CD44: variants seen among roughly 807,000 people sequenced by gnomAD.
The protein encoded by CD44 is CD44 molecule (IN blood group), also known as CD44 antigen.
In CD44, 49 loss-of-function variants were observed where a neutral mutation model predicts 88.8. The ratio of observed to expected loss-of-function variants is 0.55; its 90% confidence interval spans 0.44 to 0.70. CD44 has a LOEUF of 0.70. Among genes scored for constraint, CD44 ranks in the 30% least tolerant of loss-of-function variants. CD44 has a pLI of 0.00. For synonymous variants in CD44, 325 were observed against 312.3 expected (o/e 1.04, Z -0.43); for missense variants, 883 against 913.8 (o/e 0.97, Z 0.43).
In CD44 at chr11:35,204,605, C is replaced by A. The variant is rs1390963442; in HGVS notation, c.1247C>A (p.Pro416His). ...TGGCATGAGGGATATCGCCAAACAC[C>A]CAAAGAAGACTCCCATTCGACAACA... ...NRWHEGYRQT[P>H]KEDSHSTTGT... The change falls in exon 10 of 18, where the codon CCC becomes CAC. Residue 416 changes from proline (P) to histidine (H), a missense_variant. By Grantham distance (77) the Pro-to-His change is moderately conservative. Transcript: ENST00000428726. 2 of 1,613,206 alleles carry A rather than the reference C, an allele frequency of 1.2e-6. No individual in the cohort carries two copies. The highest frequency in any genetic ancestry group is 1.7e-6 in the Non-Finnish European group (2 of 1,179,352).
At chr11:35,171,512 G>T (rs796801941) in intron 1 of CD44, among the ~76,000 whole-genome samples, 1 of 152,176 alleles carries the variant, frequency 6.6e-6, no homozygotes, top group Admixed American at 6.5e-5. Context: ...GAAGGCTAAA[G>T]GTTGAGTTTG....
rs779632144 is a variant in CD44 at position 35,139,279 on chromosome 11, G to A, written c.-25G>A. ...AGGGATCCTCCAGCTCCTTTCGCCC[G>A]CGCCCTCCGTTCGCTCCGGACACCA... On this transcript the variant is annotated 5_prime_UTR_variant, in exon 1 of 18. Transcript: ENST00000428726. The A allele has an allele frequency of 1.9e-6, 3 of 1,550,502 alleles. No individual in the cohort carries two copies. Among genetic ancestry groups the A allele is most frequent in the African/African-American group, 2.7e-5 (2 of 73,308 alleles).
At chr11:35,210,988 T>C (rs1176859097) in intron 13 of CD44, among the ~76,000 whole-genome samples, 1 of 152,184 alleles carries the variant, frequency 6.6e-6, no homozygotes, top group Non-Finnish European at 1.5e-5. Flanking sequence ...CCTTACCTAA[T>C]AACCCAAGCA....
intron 15 of CD44, among the ~76,000 whole-genome samples, chr11:35,216,754 C>T (rs1296543204): frequency 3.7e-4 from 57 of 152,128 alleles, no homozygotes; most frequent in Admixed American, 3.7e-3. Flanking sequence ...AACCAAGAGA[C>T]CCCAGCCACT....
chr11:35,181,902 A>ATATATTATATATTATATAT, intron 3 of CD44, among the ~76,000 whole-genome samples: 1 of 59,682 alleles, frequency 1.7e-5, no homozygotes, highest in Admixed American at 2.7e-4. Flanking sequence ...ATAATATAAT[A>ATATATTATATATTATATAT]TATAATATAT....
chr11:35,225,833 A>G (rs1158229431), intron 17 of CD44, among the ~76,000 whole-genome samples: 1 of 152,004 alleles, frequency 6.6e-6, no homozygotes, highest in Non-Finnish European at 1.5e-5. Context: ...AACAAAACAA[A>G]CAAACAAACA....
intron 1 of CD44, among the ~76,000 whole-genome samples, chr11:35,151,510 A>G (rs762514234): frequency 6.6e-6 from 1 of 152,212 alleles, no homozygotes; most frequent in African/African-American, 2.4e-5. Context: ...ATTTTAGCTC[A>G]AGGAACATTT....
At chr11:35,171,702 A>G (rs1365285936) in intron 1 of CD44, among the ~76,000 whole-genome samples, 1 of 152,248 alleles carries the variant, frequency 6.6e-6, no homozygotes, top group Non-Finnish European at 1.5e-5. Flanking sequence ...AGATACTGTT[A>G]TAAGCTATGA....
chr11:35,215,906 G>A (rs1948795826), intron 15 of CD44, among the ~76,000 whole-genome samples: 1 of 149,414 alleles, frequency 6.7e-6, no homozygotes, highest in Non-Finnish European at 1.5e-5. Flanking sequence ...AAAAAAACAG[G>A]TTAATATCAG....
At chr11:35,203,539 G>A (rs1245175226) in intron 9 of CD44, among the ~76,000 whole-genome samples, 2 of 151,944 alleles carry the variant, frequency 1.3e-5, no homozygotes, top group African/African-American at 4.8e-5. Context: ...CCCAATAATG[G>A]CTTGGCCGAT....
chr11:35,181,921 T>TATATTATAATATA (rs1554962209), intron 3 of CD44, among the ~76,000 whole-genome samples: 2 of 68,190 alleles, frequency 2.9e-5, no homozygotes, highest in African/African-American at 6.5e-5. Context: ...ATATTATATA[T>TATATTATAATATA]TATATTATAT....
chr11:35,148,308 G>A (rs353624), intron 1 of CD44, among the ~76,000 whole-genome samples: 47,771 of 152,062 alleles, frequency 0.31, 7,777 homozygotes, highest in African/African-American at 0.4. Flanking sequence ...GCACCATCTT[G>A]CAGGAAACCA....
At chr11:35,209,766 G>A (rs1229278135) in intron 12 of CD44, among the ~76,000 whole-genome samples, 199 bp from the exon 13 acceptor site, 1 of 152,116 alleles carries the variant, frequency 6.6e-6, no homozygotes, top group Non-Finnish European at 1.5e-5. Flanking sequence ...GAAATAAAGG[G>A]TCTTCAGAAC....
chr11:35,163,235 G>T lies in CD44; in HGVS notation c.68-13340G>T, dbSNP rs551378105. 1.2e-3 allele frequency among the ~76,000 whole-genome samples: 183 copies of T among 151,146 alleles called. 4 individuals are homozygous for T. Among genetic ancestry groups the T allele is most frequent in the African/African-American group, 4.1e-3 (169 of 40,924 alleles). The stretch of plus-strand genomic sequence containing the variant: ...AGCTATTGGCCACCAAGTGCCAAGG[G>T]TTATGAATGATTTACCTTTTTTTTT... On this transcript the variant is annotated intron_variant, in intron 1 of 17. Transcript: ENST00000428726.
At chr11:35,178,969 T>A (rs1296106962) in intron 2 of CD44, among the ~76,000 whole-genome samples, 1 of 152,226 alleles carries the variant, frequency 6.6e-6, no homozygotes, top group East Asian at 1.9e-4. Flanking sequence ...GCAGCTACTC[T>A]CTTTTGTCTG....
intron 17 of CD44, among the ~76,000 whole-genome samples, chr11:35,224,015 TA>T (rs1448489231): frequency 2.6e-5 from 4 of 152,230 alleles, no homozygotes; most frequent in Admixed American, 6.5e-5. Flanking sequence ...ACCCCTTTTC[TA>T]AAAGAATCTT....
intron 5 of CD44, among the ~76,000 whole-genome samples, chr11:35,193,009 T>C (rs941075615): frequency 2.6e-5 from 4 of 152,172 alleles, no homozygotes; most frequent in African/African-American, 4.8e-5. Flanking sequence ...GTGGGAATTA[T>C]GCATCTTTAA....
chr11:35,167,328 A>T (rs1352396799), intron 1 of CD44, among the ~76,000 whole-genome samples: 1 of 151,918 alleles, frequency 6.6e-6, no homozygotes, highest in African/African-American at 2.4e-5. Context: ...GGAGGACCAT[A>T]CTCGGCTATC....
At chr11:35,218,169 C>T (rs991421529) in intron 15 of CD44, among the ~76,000 whole-genome samples, 4 of 152,066 alleles carry the variant, frequency 2.6e-5, no homozygotes, top group African/African-American at 7.2e-5. Context: ...GTCTGTCTTG[C>T]GATACTTCCT....
Sources: gnomAD v4.1 joint callset for allele counts (sites outside exome capture counted in the v4.1 genomes callset) on GRCh38, gnomAD v4.1.1 for gene constraint, MANE v1.5 for transcripts, NCBI Gene and HGNC (gene_info 2026-07-23, HGNC 2026-07-21) for gene names.